Variants in KCNQ1 observed in about 807,000 individuals in gnomAD.
The protein encoded by KCNQ1 is potassium voltage-gated channel subfamily KQT member 1.
Under a neutral mutation model 72.4 loss-of-function variants are expected in KCNQ1, and 49 were observed. The ratio of observed to expected loss-of-function variants is 0.68; its 90% CI spans 0.54 to 0.86. KCNQ1 has a LOEUF of 0.86. KCNQ1 is among the 40% of genes least tolerant of loss of function. The probability of loss-of-function intolerance (pLI) is 0.00; values close to 1 mark genes in which losing one functional copy is unlikely to be tolerated. For synonymous variants in KCNQ1, 450 were observed against 412.6 expected, an observed-to-expected ratio of 1.09 and a Z score of -1.10; for missense variants, 790 against 945.1, an observed-to-expected ratio of 0.84 and a Z score of 2.15.
chr11:2,473,605 T>A lies in KCNQ1; in HGVS notation c.386+28121T>A, dbSNP rs996196162. On this transcript the variant is annotated intron_variant, in intron 1 of 15. Coordinates refer to ENST00000155840, the MANE Select transcript of KCNQ1 (RefSeq NM_000218.3). The surrounding 1 kb of genome is among the most constrained non-coding windows in gnomAD (Gnocchi z 6.0). ...TGTCATGTGGCTTGTAGAGCGAGGG[T>A]GTGCGGCCGGCATCATCCTCAGGGA... Among the ~76,000 whole-genome samples the A allele has an allele frequency of 8.6e-5, 13 of 151,776 alleles. No homozygotes were observed. The highest frequency in any genetic ancestry group is 3.9e-4 in the Admixed American group (6 of 15,242).
At chr11:2,500,213 A>G (rs1171399812) in intron 1 of KCNQ1, among the ~76,000 whole-genome samples, 1 of 152,096 alleles carries the variant, frequency 6.6e-6, no homozygotes, top group Non-Finnish European at 1.5e-5. Context: ...TTCTCCTTGA[A>G]GATATGAACA....
At chr11:2,520,767 G>T (rs1847368690) in intron 1 of KCNQ1, among the ~76,000 whole-genome samples, 1 of 152,142 alleles carries the variant, frequency 6.6e-6, no homozygotes, top group Admixed American at 6.5e-5. Flanking sequence ...ATGGGATTTG[G>T]AGGCATTTGG....
chr11:2,811,572 C>T (rs1847486308), intron 15 of KCNQ1, among the ~76,000 whole-genome samples: 1 of 152,254 alleles, frequency 6.6e-6, no homozygotes, highest in African/African-American at 2.4e-5. Context: ...AGGCGGGGCC[C>T]TTGCCGAGCG....
chr11:2,501,402 C>G (rs71473705), intron 1 of KCNQ1, among the ~76,000 whole-genome samples: 1 of 152,004 alleles, frequency 6.6e-6, no homozygotes. Context: ...ATGAGCAACT[C>G]TATGCCAATA....
At position 2,768,389 on chromosome 11, in the gene KCNQ1, C is replaced by A. The variant is rs187392529; in HGVS notation, c.1515-455C>A. On this transcript the variant is annotated intron_variant, in intron 11 of 15. Coordinates refer to ENST00000155840, the MANE Select transcript of KCNQ1 (RefSeq NM_000218.3). This position sits in a 1 kb window ranked among gnomAD's most constrained non-coding sequence, Gnocchi z 6.7. ...ATTTGTCCTGTAGCCCCTACTTTCCCAAGCGCTTGCTGTTTGTGGGGCTAC... is the reference window on the plus strand; with the variant it reads ...ATTTGTCCTGTAGCCCCTACTTTCCAAAGCGCTTGCTGTTTGTGGGGCTAC... Among the ~76,000 whole-genome samples the A allele has an allele frequency of 1.6e-3, 241 of 152,306 alleles. No individual in the cohort carries two copies. Among genetic ancestry groups the A allele is most frequent in the Non-Finnish European group, 2.8e-3 (192 of 68,018 alleles).
At chr11:2,731,592 C>A (rs1845859277) in intron 11 of KCNQ1, among the ~76,000 whole-genome samples, 1 of 152,378 alleles carries the variant, frequency 6.6e-6, no homozygotes, top group South Asian at 2.1e-4. Flanking sequence ...CTGCTTGAGG[C>A]AAGCCCTCCG....
rs988412466 is a variant in KCNQ1, at chr11:2,712,993, C to G, written c.1514+50912C>G. Among the ~76,000 whole-genome samples, 1 of 152,156 alleles carries G rather than the reference C, an allele frequency of 6.6e-6. No homozygotes were observed. The highest frequency in any genetic ancestry group is 1.5e-5 in the Non-Finnish European group (1 of 68,012). On this transcript the variant is annotated intron_variant, in intron 11 of 15. Transcript: ENST00000155840. The surrounding 1 kb of genome is among the most constrained non-coding windows in gnomAD (Gnocchi z 6.4). ...AGGGGTCCTGGTAAGTATGAGGAAC[C>G]AGAGACCTGGTAAGTATGAGGAACC...
At position 2,671,227 on chromosome 11, in the gene KCNQ1, G is replaced by A. The variant is rs1850178280; in HGVS notation, c.1514+9146G>A. 2 of 398,478 alleles carry A rather than the reference G, an allele frequency of 5.0e-6. No homozygotes were observed. Among genetic ancestry groups the A allele is most frequent in the Non-Finnish European group, 8.8e-6 (2 of 226,086 alleles). 24.7% of individuals were successfully genotyped at this position (398,478 alleles called of 1,614,324 possible). The stretch of plus-strand genomic sequence containing the variant: ...GGTAGAGAGACAGAGGTAGACAGGA[G>A]TCCAGGTCTGACCTCAAAATCCGAT... On this transcript the variant is annotated intron_variant, in intron 11 of 15. Coordinates refer to ENST00000155840, the MANE Select transcript of KCNQ1 (RefSeq NM_000218.3). This position sits in a 1 kb window ranked among gnomAD's most constrained non-coding sequence, Gnocchi z 4.7.
In KCNQ1 at chr11:2,837,804, C is replaced by T. The variant is rs1462987095; in HGVS notation, c.1795-9963C>T. On this transcript the variant is annotated intron_variant, in intron 15 of 15. Transcript: ENST00000155840. ...TCCTGAGGTAGGAACCAGAGGAAAC[C>T]GGCTCTGGGGCGAGAAGGGCGGCGC... Among the ~76,000 whole-genome samples the T allele has an allele frequency of 7.2e-5, 11 of 152,334 alleles. No individual in the cohort carries two copies. The East Asian group carries it at 9.7e-4, about 13-fold the overall frequency.
rs1207440962 is a variant in KCNQ1 at position 2,710,551 on chromosome 11, G to T, written c.1514+48470G>T. On this transcript the variant is annotated intron_variant, in intron 11 of 15. Transcript: ENST00000155840. The surrounding 1 kb of genome is among the most constrained non-coding windows in gnomAD (Gnocchi z 4.1). ...TGGTGTCATAACTAAATAACAACAT[G>T]TAATCTGAGGTCAAAAAGATTTACC... Among the ~76,000 whole-genome samples, 1 of 152,118 alleles carries T rather than the reference G, an allele frequency of 6.6e-6. No individual in the cohort carries two copies.
At chr11:2,693,839 A>AGGC in intron 11 of KCNQ1, 1 of 398,876 alleles carries the variant, frequency 2.5e-6, no homozygotes, top group Non-Finnish European at 4.4e-6. Flanking sequence ...GCAGTATTAG[A>AGGC]GGCCACCCCT....
Position 2,624,564 on chromosome 11 carries a change from T to C in KCNQ1, c.1393+35710T>C, listed in dbSNP as rs80127491. On this transcript the variant is annotated intron_variant, in intron 10 of 15. Transcript: ENST00000155840. This position sits in a 1 kb window ranked among gnomAD's most constrained non-coding sequence, Gnocchi z 4.9. ...TATTTGTTGTTGATTTCCAAATCTT[T>C]TATTGTGGCAAAATACACTTAACAT... 5,157 of 398,544 alleles carry C rather than the reference T, an allele frequency of 0.013. 158 individuals are homozygous for C. Among genetic ancestry groups the C allele is most frequent in the East Asian group, 0.081 (2,283 of 28,046 alleles). The allele number at this position is 398,544 out of a possible 1,614,324, so 24.7% of individuals were successfully genotyped here.
At chr11:2,466,171 C>T (rs981044834) in intron 1 of KCNQ1, among the ~76,000 whole-genome samples, 3 of 152,154 alleles carry the variant, frequency 2.0e-5, no homozygotes, top group African/African-American at 7.2e-5. Context: ...CAGTGACCTT[C>T]GTTGTTGGGG....
At chr11:2,814,245 G>A (rs1847560140) in intron 15 of KCNQ1, among the ~76,000 whole-genome samples, 2 of 151,284 alleles carry the variant, frequency 1.3e-5, no homozygotes, top group South Asian at 4.2e-4. Flanking sequence ...CAGAGATAGA[G>A]GGAAGGAGGG....
At chr11:2,751,462 A>G (rs565611014) in intron 11 of KCNQ1, among the ~76,000 whole-genome samples, 1 of 152,352 alleles carries the variant, frequency 6.6e-6, no homozygotes, top group Admixed American at 6.5e-5. Context: ...CACCCCCAGG[A>G]AACCCTCTCT....
chr11:2,834,810 C>A (rs1258055718), intron 15 of KCNQ1, among the ~76,000 whole-genome samples: 1 of 152,222 alleles, frequency 6.6e-6, no homozygotes, highest in Non-Finnish European at 1.5e-5. Flanking sequence ...TTGGCTGCCC[C>A]AGGAATGCAG....
At chr11:2,714,557 G>A (rs1227614514) in intron 11 of KCNQ1, among the ~76,000 whole-genome samples, 1 of 152,190 alleles carries the variant, frequency 6.6e-6, no homozygotes, top group Non-Finnish European at 1.5e-5. Flanking sequence ...GGAGCTCACA[G>A]CTGCAGGGAG....
intron 1 of KCNQ1, among the ~76,000 whole-genome samples, chr11:2,474,671 G>A (rs1266963973): frequency 2.1e-5 from 1 of 47,530 alleles, no homozygotes; most frequent in African/African-American, 4.3e-5. Flanking sequence ...CATGTGGGGC[G>A]GGAGCTTGGG....
intron 15 of KCNQ1, among the ~76,000 whole-genome samples, chr11:2,837,778 G>C (rs889383491): frequency 1.3e-5 from 2 of 152,246 alleles, no homozygotes; most frequent in African/African-American, 4.8e-5. Flanking sequence ...CCATGTGAGG[G>C]TCCTGAGGTA....
Sources: gnomAD v4.1 joint callset for allele counts (sites outside exome capture counted in the v4.1 genomes callset) on GRCh38, gnomAD v4.1.1 for gene constraint, Gnocchi (gnomAD v3.1) non-coding constraint, MANE v1.5 for transcripts, NCBI Gene and HGNC (gene_info 2026-07-23, HGNC 2026-07-21) for gene names.